The following PKD1L3 variants were observed in gnomAD, a reference collection of about 807,000 sequenced individuals.
PKD1L3 encodes the protein polycystin 1 like 3, transient receptor potential channel interacting, also known as polycystin-1-like protein 3.
A neutral mutation model predicts 184.1 loss-of-function variants in PKD1L3; 239 were observed. The observed-to-expected ratio is 1.30, with a 90% CI of 1.17 to 1.45. The LOEUF (loss-of-function observed/expected upper bound fraction) is 1.45, where lower values mean the gene tolerates loss of function less well. Ranked by LOEUF, PKD1L3 falls within the 40% of genes most tolerant of loss-of-function variation. The pLI is 0.00. For synonymous variants in PKD1L3, 996 were observed against 778.8 expected, an observed-to-expected ratio of 1.28 and a Z score of -4.64; for missense variants, 2,660 against 2,067.2, an observed-to-expected ratio of 1.29 and a Z score of -5.56.
chr16:71,990,890 G>A (rs1336735228), intron 3 of PKD1L3, among the ~76,000 whole-genome samples: 2 of 152,106 alleles, frequency 1.3e-5, no homozygotes, highest in African/African-American at 2.4e-5. Flanking sequence ...AGTTCAGAAA[G>A]CTGTTAATAC....
chr16:71,980,234 G>A (rs952269330), intron 7 of PKD1L3, 100 bp from the exon 8 acceptor site: 2 of 1,405,056 alleles, frequency 1.4e-6, no homozygotes, highest in African/African-American at 2.9e-5. Context: ...TTTTCACAGT[G>A]TTGTAATGAA....
Position 71,982,199 on chromosome 16 carries a change from C to A in PKD1L3, c.1003G>T (p.Glu335Ter), listed in dbSNP as rs1204800339. 6.5e-7 allele frequency: 1 copy of A among 1,549,340 alleles called. No homozygotes were observed. The highest frequency in any genetic ancestry group is 2.4e-5 in the East Asian group (1 of 40,856). The change falls in exon 7 of 30, where the codon GAG (glutamate) becomes TAG (stop). Residue 335 changes from glutamate to a stop codon, truncating the protein, a stop_gained. Coordinates refer to ENST00000620267, the MANE Select transcript of PKD1L3 (RefSeq NM_181536.2). LOFTEE classifies it high-confidence loss of function. Reference protein sequence around the residue: ...LINSLIYLSEELLRIPFQNNN... With the variant: ...LINSLIYLSE Reference sequence around the variant, plus strand: ...TTCTGAAATGGGATCCTGAGTAACTCCTCACTCAGGTAAATAAGGGAATTG... The same window carrying A: ...TTCTGAAATGGGATCCTGAGTAACTACTCACTCAGGTAAATAAGGGAATTG...
At chr16:71,943,045 A>T in intron 23 of PKD1L3, 21 bp from the exon 24 acceptor site, 1 of 1,506,126 alleles carries the variant, frequency 6.6e-7, no homozygotes. Flanking sequence ...AGAGGAAAAA[A>T]ATGTCATAGT....
chr16:71,939,444 C>T (rs892573040), intron 24 of PKD1L3, among the ~76,000 whole-genome samples: 1 of 152,194 alleles, frequency 6.6e-6, no homozygotes, highest in African/African-American at 2.4e-5. Context: ...GGCAAAGCAA[C>T]ACCCTAAGGA....
chr16:71,974,081 G>A lies in PKD1L3; in HGVS notation c.1760-564C>T, dbSNP rs1345890373. Among the ~76,000 whole-genome samples the A allele has an allele frequency of 2.0e-5, 3 of 152,074 alleles. 1 individual carries two copies. In the South Asian group the frequency reaches 6.2e-4, roughly 31 times the overall value. ...GGTCTAATGATTTAGAATGTATTAC[G>A]AGGTTTAGAAAAATGAAATGAGCAC... is the stretch of plus-strand genomic sequence containing the variant. On this transcript the variant is annotated intron_variant, in intron 11 of 29. Transcript: ENST00000620267.
intron 23 of PKD1L3, among the ~76,000 whole-genome samples, chr16:71,943,565 A>T (rs1311264223): frequency 6.6e-6 from 1 of 150,792 alleles, no homozygotes; most frequent in Non-Finnish European, 1.5e-5. Flanking sequence ...AAAACATAAA[A>T]TCCCGCACAA....
chr16:71,963,356 A>G lies in PKD1L3; in HGVS notation c.2466-5T>C. ...ACAATTACCTGGCTGACATACCTAT[A>G]GTAAAATGAAGATAACCACATTAGG... On this transcript the variant is annotated splice_polypyrimidine_tract_variant and splice_region_variant and intron_variant, in intron 15 of 29. Transcript: ENST00000620267. The G allele has an allele frequency of 6.5e-7, 1 of 1,544,692 alleles. No individual in the cohort carries two copies. Among genetic ancestry groups the G allele is most frequent in the Non-Finnish European group, 8.7e-7 (1 of 1,143,376 alleles).
intron 4 of PKD1L3, 122 bp from the exon 5 acceptor site, chr16:71,986,591 TA>T (rs1036910443): frequency 1.1e-4 from 122 of 1,145,418 alleles, no homozygotes; most frequent in Non-Finnish European, 1.4e-4. Flanking sequence ...GCATTTCTGT[TA>T]AAAAAAATTC....
intron 2 of PKD1L3, among the ~76,000 whole-genome samples, chr16:71,995,688 A>G (rs1169666510): frequency 1.3e-5 from 2 of 152,222 alleles, no homozygotes; most frequent in African/African-American, 4.8e-5. Flanking sequence ...AGAGAGCTAC[A>G]ATGAATAGCC....
chr16:71,960,519 G>C (rs1245131360), intron 16 of PKD1L3, among the ~76,000 whole-genome samples: 1 of 151,120 alleles, frequency 6.6e-6, no homozygotes, highest in East Asian at 1.9e-4. Context: ...GTGTCAACAG[G>C]ATCAAAGGGA....
chr16:71,943,537 C>CAAAAAAAAAAA (rs10693124), intron 23 of PKD1L3, among the ~76,000 whole-genome samples: 24 of 84,472 alleles, frequency 2.8e-4, no homozygotes, highest in East Asian at 3.4e-4. Context: ...GACTCCGTCT[C>CAAAAAAAAAAA]AAAAAAAAAA....
chr16:71,967,826 T>A (rs2039558690), intron 14 of PKD1L3, 80 bp downstream of exon 14: 2 of 1,194,252 alleles, frequency 1.7e-6, no homozygotes, highest in African/African-American at 1.5e-5. Flanking sequence ...TGCTATTGGT[T>A]GCCAGGATAT....
chr16:71,932,525 G>A (rs1455422558), intron 28 of PKD1L3, among the ~76,000 whole-genome samples: 2 of 151,842 alleles, frequency 1.3e-5, no homozygotes, highest in South Asian at 4.1e-4. Flanking sequence ...CCAGGCTGGA[G>A]TGCAGTGGCA....
Position 71,937,338 on chromosome 16 carries a change from G to C in PKD1L3, c.4406C>G (p.Ser1469Ter). Residue 1469 changes from serine (S) to a stop codon, truncating the protein, a stop_gained, in exon 25 of 30, where the codon TCA becomes TGA. Coordinates refer to ENST00000620267, the MANE Select transcript of PKD1L3 (RefSeq NM_181536.2). LOFTEE classifies it high-confidence loss of function. ...GACCAGTAGATAATAGATGACTTGT[G>C]AGATGATAGACCAGACACAGCCCTT... ...SKKGCVWSII[S>*]QVIYYLLVCY... 1 of 1,551,660 alleles carries C rather than the reference G, an allele frequency of 6.4e-7. No homozygotes were observed. The highest frequency in any genetic ancestry group is 1.2e-5 in the South Asian group (1 of 84,058).
At position 71,936,982 on chromosome 16, in the gene PKD1L3, C is replaced by A. The variant is rs574832460; in HGVS notation, c.4452+310G>T. Among the ~76,000 whole-genome samples the A allele has an allele frequency of 1.6e-3, 240 of 152,262 alleles. 3 individuals carry two copies. The South Asian group carries it at 0.022, about 14-fold the overall frequency. On this transcript the variant is annotated intron_variant, in intron 25 of 29. Transcript: ENST00000620267. ...AAGGACCAAAATTATAGCCATAATT[C>A]TAGTAACATGTCATTGTAGAGCTTC...
At chr16:71,973,999 C>G (rs1379797059) in intron 11 of PKD1L3, among the ~76,000 whole-genome samples, 1 of 29,114 alleles carries the variant, frequency 3.4e-5, no homozygotes, top group Non-Finnish European at 6.4e-5. Flanking sequence ...GAGATTTTGT[C>G]TCAAAAAAAA....
intron 3 of PKD1L3, among the ~76,000 whole-genome samples, chr16:71,991,538 G>T (rs2040590352): frequency 6.6e-6 from 1 of 152,172 alleles, no homozygotes; most frequent in Non-Finnish European, 1.5e-5. Flanking sequence ...CCCTGATATG[G>T]AAGATAAATG....
At chr16:71,985,590 C>T (rs1034801959) in intron 5 of PKD1L3, among the ~76,000 whole-genome samples, 4 of 152,114 alleles carry the variant, frequency 2.6e-5, no homozygotes, top group Admixed American at 2.0e-4. Flanking sequence ...TGCCACCACA[C>T]CTGGCTAATT....
chr16:71,937,237 T>C (rs893491859), intron 25 of PKD1L3, 55 bp downstream of exon 25: 27 of 1,515,346 alleles, frequency 1.8e-5, no homozygotes, highest in Non-Finnish European at 2.4e-5. Flanking sequence ...TGTAGTCTGG[T>C]AAAGATGAGG....
Sources: gnomAD v4.1 joint callset for allele counts (sites outside exome capture counted in the v4.1 genomes callset) on GRCh38, gnomAD v4.1.1 for gene constraint, MANE v1.5 for transcripts, NCBI Gene and HGNC (gene_info 2026-07-23, HGNC 2026-07-21) for gene names.